ZNF526: variants seen among roughly 807,000 people sequenced by gnomAD.
The protein encoded by ZNF526 is zinc finger protein 526.
A neutral mutation model predicts 32.4 loss-of-function variants in ZNF526; 16 were observed. The observed-to-expected ratio is 0.49, with a 90% CI of 0.33 to 0.75. ZNF526 has a LOEUF of 0.75. Among genes scored for constraint, ZNF526 ranks in the 30% least tolerant of loss-of-function variants. The probability of loss-of-function intolerance (pLI) is 0.02; values close to 1 mark genes in which losing one functional copy is unlikely to be tolerated. For synonymous variants in ZNF526, 355 were observed against 363.4 expected (o/e 0.98, Z 0.26); for missense variants, 838 against 920.7 (o/e 0.91, Z 1.16).
chr19:42,225,377 G>A lies in ZNF526; in HGVS notation c.974G>A (p.Arg325Gln), dbSNP rs763713814. ...SSANRLQAHG[R>Q]AHVGGTHECT... ...GCCAACCGGCTGCAGGCTCATGGGC[G>A]GGCCCATGTTGGTGGCACACATGAG... The change falls in exon 3 of 3, where the codon CGG becomes CAG. Residue 325 changes from arginine to glutamine, a missense_variant. Coordinates refer to ENST00000301215, the MANE Select transcript of ZNF526 (RefSeq NM_133444.3). The A allele has an allele frequency of 5.6e-6, 9 of 1,613,884 alleles. No individual in the cohort carries two copies. The highest frequency in any genetic ancestry group is 1.7e-5 in the Admixed American group (1 of 60,012).
chr19:42,223,974 A>AATAT (rs35211089), intron 1 of ZNF526, among the ~76,000 whole-genome samples: 1,402 of 110,574 alleles, frequency 0.013, 28 homozygotes, highest in East Asian at 0.037. Flanking sequence ...TCTCTACTAA[A>AATAT]ATATATATAT....
chr19:42,222,276 G>A (rs1179046155), intron 1 of ZNF526, among the ~76,000 whole-genome samples: 2 of 152,006 alleles, frequency 1.3e-5, no homozygotes, highest in East Asian at 1.9e-4. Flanking sequence ...TTTTAGTAGA[G>A]ACGGGGTTTC....
rs560580828 is a variant in ZNF526, at chr19:42,227,069, T to G, written c.*653T>G. 5.5e-6 allele frequency: 1 copy of G among 181,218 alleles called. No homozygotes were observed. Among genetic ancestry groups the G allele is most frequent in the African/African-American group, 2.4e-5 (1 of 41,714 alleles). 11.2% of individuals were successfully genotyped at this position (181,218 alleles called of 1,614,324 possible). ...TGCTCTCTGAGTGTGTCTCATTGATTCATTCAGCCTGTGTGTCCTAAAGCC... is the reference window on the plus strand; with the variant it reads ...TGCTCTCTGAGTGTGTCTCATTGATGCATTCAGCCTGTGTGTCCTAAAGCC... On this transcript the variant is annotated 3_prime_UTR_variant, in exon 3 of 3. Transcript: ENST00000301215.
At position 42,226,190 on chromosome 19, in the gene ZNF526, C is replaced by T. The variant is rs754619761; in HGVS notation, c.1787C>T (p.Ala596Val). The part of the protein sequence containing the change: ...AGLRLHQRVH[A>V]RARTLTLQPP... Reference sequence around the variant, plus strand: ...TTGCGACTGCATCAGCGGGTCCATGCCCGAGCTCGGACTTTGACGCTACAG... The same window carrying T: ...TTGCGACTGCATCAGCGGGTCCATGTCCGAGCTCGGACTTTGACGCTACAG... Residue 596 changes from alanine to valine, a missense_variant, in exon 3 of 3, where the codon GCC becomes GTC. By Grantham distance (64) the Ala-to-Val change is moderately conservative. Transcript: ENST00000301215. 1.4e-5 allele frequency: 23 copies of T among 1,609,246 alleles called. No individual in the cohort carries two copies. The highest frequency in any genetic ancestry group is 1.8e-5 in the Non-Finnish European group (21 of 1,180,028).
In ZNF526 at chr19:42,224,802, G is replaced by T; in HGVS notation, c.399G>T (p.Glu133Asp). The T allele has an allele frequency of 3.1e-6, 5 of 1,613,978 alleles. No individual in the cohort carries two copies. The highest frequency in any genetic ancestry group is 4.2e-6 in the Non-Finnish European group (5 of 1,180,036). ...CCCACCAGGATGCCCACCTCCGAGA[G>T]TCTGCAAACCAGATCCAATACCAGT... is the stretch of plus-strand genomic sequence containing the variant. ...LLAHQDAHLR[E>D]SANQIQYQCW... The change falls in exon 3 of 3, where the codon GAG becomes GAT. Residue 133 changes from glutamate to aspartate, a missense_variant. Physicochemically the swap from Glu to Asp is conservative, Grantham distance 45. Coordinates refer to ENST00000301215, the MANE Select transcript of ZNF526 (RefSeq NM_133444.3).
rs2036197771 is a variant in ZNF526, at chr19:42,228,185, G to A, written c.*1769G>A. ...ACTGCACTCCAGTCTGGGCAACAGT[G>A]CAAGACCCTGTCACTTAAAAAAAAA... On this transcript the variant is annotated 3_prime_UTR_variant, in exon 3 of 3. Transcript: ENST00000301215. 2 of 150,112 alleles carry A rather than the reference G, an allele frequency of 1.3e-5. No individual in the cohort carries two copies. Among genetic ancestry groups the A allele is most frequent in the South Asian group, 2.1e-4 (1 of 4,736 alleles). 9.3% of individuals were successfully genotyped at this position (150,112 alleles called of 1,614,324 possible).
rs1419727483 is a variant in ZNF526 at position 42,227,285 on chromosome 19, GGAAAA to G, written c.*873_*877del. Reference sequence around the variant, plus strand: ...AAAGTAGGAATCTGGCAGTGAAAGAGGAAAAGAACATTCCAGGCAGACAGCACTGC... The same window carrying G: ...AAAGTAGGAATCTGGCAGTGAAAGAGGAACATTCCAGGCAGACAGCACTGC... On this transcript the variant is annotated 3_prime_UTR_variant, in exon 3 of 3. Coordinates refer to ENST00000301215, the MANE Select transcript of ZNF526 (RefSeq NM_133444.3). 3 of 167,350 alleles carry G rather than the reference GGAAAA, an allele frequency of 1.8e-5. No individual in the cohort carries two copies. The highest frequency in any genetic ancestry group is 6.5e-5 in the Admixed American group (1 of 15,316). The allele number at this position is 167,350 out of a possible 1,614,324, so 10.4% of individuals were successfully genotyped here. A position where few individuals can be genotyped will look rare whatever the true frequency, so the allele number is the denominator to read the frequency against.
chr19:42,221,842 C>T (rs1384694650), intron 1 of ZNF526, among the ~76,000 whole-genome samples: 1 of 150,688 alleles, frequency 6.6e-6, no homozygotes, highest in African/African-American at 2.4e-5. Context: ...AAAAAAAAAC[C>T]TCTCAAGGTC....
Position 42,227,286 on chromosome 19 carries a change from GA to G in ZNF526, c.*874del, listed in dbSNP as rs2036190147. 1 of 167,254 alleles carries G rather than the reference GA, an allele frequency of 6.0e-6. No homozygotes were observed. The highest frequency in any genetic ancestry group is 6.5e-5 in the Admixed American group (1 of 15,292). 10.4% of individuals were successfully genotyped at this position (167,254 alleles called of 1,614,324 possible). ...AAGTAGGAATCTGGCAGTGAAAGAG[GA>G]AAAGAACATTCCAGGCAGACAGCAC... is the stretch of plus-strand genomic sequence containing the variant. On this transcript the variant is annotated 3_prime_UTR_variant, in exon 3 of 3. Transcript: ENST00000301215.
chr19:42,221,104 A>T (rs539425375), intron 1 of ZNF526, among the ~76,000 whole-genome samples: 53 of 152,292 alleles, frequency 3.5e-4, no homozygotes, highest in South Asian at 8.3e-4. Flanking sequence ...TTGGGCATTA[A>T]CTGAAAGCAG....
rs1156866517 is a variant in ZNF526 at position 42,224,487 on chromosome 19, A to C, written c.84A>C (p.Ala28=). The change falls in exon 3 of 3, where the codon GCA becomes GCC. Residue 28 remains alanine, a synonymous_variant. Coordinates refer to ENST00000301215, the MANE Select transcript of ZNF526 (RefSeq NM_133444.3). ...TGGAGATGTCAACACCTATGTCGGC[A>C]GAGATGATGGAGATGTCAACAGAAG... ...GAVEMSTPMS[A]EMMEMSTEVT... The C allele has an allele frequency of 6.2e-7, 1 of 1,614,222 alleles. No individual in the cohort carries two copies. The highest frequency in any genetic ancestry group is 1.7e-5 in the Admixed American group (1 of 60,018).
intron 1 of ZNF526, among the ~76,000 whole-genome samples, chr19:42,221,582 G>A (rs1033876875): frequency 2.6e-5 from 4 of 151,882 alleles, no homozygotes; most frequent in East Asian, 1.9e-4. Context: ...GCAGTGAGCC[G>A]AGATCGTGCC....
In ZNF526 at chr19:42,223,994, T is replaced by C. The variant is rs568687826; in HGVS notation, c.-108-221T>C. 3.4e-3 allele frequency among the ~76,000 whole-genome samples: 437 copies of C among 127,944 alleles called. 8 individuals are homozygous for C. Among genetic ancestry groups the C allele is most frequent in the African/African-American group, 0.013 (422 of 32,284 alleles). The allele number at this position is 127,944 out of a possible 152,430, so 83.9% of individuals were successfully genotyped here. A position where few individuals can be genotyped will look rare whatever the true frequency, so the allele number is the denominator to read the frequency against. On this transcript the variant is annotated intron_variant, in intron 1 of 2. Coordinates refer to ENST00000301215, the MANE Select transcript of ZNF526 (RefSeq NM_133444.3). ...ACTAAAATATATATATATATATATA[T>C]ATATATATACAAAAATTAGCCAGGC...
intron 1 of ZNF526, among the ~76,000 whole-genome samples, chr19:42,223,022 G>A (rs916595542): frequency 6.6e-6 from 1 of 152,242 alleles, no homozygotes; most frequent in African/African-American, 2.4e-5. Context: ...AACCTCAGAG[G>A]AAGTAAGTGG....
At position 42,226,765 on chromosome 19, in the gene ZNF526, G is replaced by T; in HGVS notation, c.*349G>T. 1 of 424,644 alleles carries T rather than the reference G, an allele frequency of 2.4e-6. No homozygotes were observed. Among genetic ancestry groups the T allele is most frequent in the Non-Finnish European group, 4.6e-6 (1 of 216,222 alleles). The allele number at this position is 424,644 out of a possible 1,614,324, so 26.3% of individuals were successfully genotyped here. A position where few individuals can be genotyped will look rare whatever the true frequency, so the allele number is the denominator to read the frequency against. On this transcript the variant is annotated 3_prime_UTR_variant, in exon 3 of 3. Transcript: ENST00000301215. The stretch of plus-strand genomic sequence containing the variant: ...CCAAGCTTATGCCAGGTCTGTGCTG[G>T]CCACTCTCATATACCTCTTCAGATC...
chr19:42,223,303 TC>T (rs2036139994), intron 1 of ZNF526, among the ~76,000 whole-genome samples: 1 of 151,924 alleles, frequency 6.6e-6, no homozygotes. Context: ...GGGCAAGAGA[TC>T]GAGACCATCT....
In ZNF526 at chr19:42,226,338, C is replaced by T; in HGVS notation, c.1935C>T (p.Asp645=). Residue 645 remains aspartate, a synonymous_variant, in exon 3 of 3, where the codon GAC becomes GAT. Coordinates refer to ENST00000301215, the MANE Select transcript of ZNF526 (RefSeq NM_133444.3). ...CATCCCAGCCACTGGCGCTTGAGGA[C>T]ACCCTGCAGCTGTGCCAGGCTGCAC... is the stretch of plus-strand genomic sequence containing the variant. ...IETSQPLALE[D]TLQLCQAALG... 1.2e-6 allele frequency: 2 copies of T among 1,614,242 alleles called. No homozygotes were observed. The highest frequency in any genetic ancestry group is 1.1e-5 in the South Asian group (1 of 91,092).
Position 42,226,244 on chromosome 19 carries a change from C to G in ZNF526, c.1841C>G (p.Pro614Arg), listed in dbSNP as rs752237022. Residue 614 changes from proline (P) to arginine (R), a missense_variant, in exon 3 of 3, where the codon CCC becomes CGC. Coordinates refer to ENST00000301215, the MANE Select transcript of ZNF526 (RefSeq NM_133444.3). ...CCCAGATCACCATCTCCTGCCCCAC[C>G]CCCACCTCCAGAGCCTCAACAGACT... The part of the protein sequence containing the change: ...QPPRSPSPAP[P>R]PPPEPQQTIM... The G allele has an allele frequency of 2.5e-6, 4 of 1,613,542 alleles. No homozygotes were observed. Among genetic ancestry groups the G allele is most frequent in the Non-Finnish European group, 3.4e-6 (4 of 1,180,042 alleles).
In ZNF526 at chr19:42,225,972, G is replaced by A. The variant is rs2036174818; in HGVS notation, c.1569G>A (p.Thr523=). ...TCAGCCGCCACCAGCTGACCCATAC[G>A]GGTGCACGTCCCTACCAATGCCTGG... ...ANLSRHQLTH[T]GARPYQCLDC... The change falls in exon 3 of 3, where the codon ACG becomes ACA. Residue 523 remains threonine, a synonymous_variant. Coordinates refer to ENST00000301215, the MANE Select transcript of ZNF526 (RefSeq NM_133444.3). 8.7e-6 allele frequency: 14 copies of A among 1,613,896 alleles called. No homozygotes were observed. The highest frequency in any genetic ancestry group is 2.2e-5 in the South Asian group (2 of 91,080).
Sources: allele counts gnomAD v4.1 joint callset (sites outside exome capture counted in the v4.1 genomes callset), GRCh38; gene constraint gnomAD v4.1.1; transcripts MANE v1.5; gene names NCBI Gene and HGNC (gene_info 2026-07-23, HGNC 2026-07-21).